The following CAMSAP3 variants were observed in gnomAD, a reference collection of about 807,000 sequenced individuals.
CAMSAP3 encodes the protein calmodulin regulated spectrin associated protein family member 3, also known as calmodulin-regulated spectrin-associated protein 3.
Under a neutral mutation model 112.5 loss-of-function variants are expected in CAMSAP3, and 34 were observed. The ratio of observed to expected loss-of-function variants is 0.30; its 90% CI spans 0.23 to 0.40. CAMSAP3 has a LOEUF of 0.40. Ranked by LOEUF, CAMSAP3 falls within the 10% of genes least tolerant of loss-of-function variation. CAMSAP3 has a pLI of 1.00. For synonymous variants in CAMSAP3, 868 were observed against 799.8 expected, an observed-to-expected ratio of 1.09 and a Z score of -1.44; for missense variants, 1,602 against 1,770.3, an observed-to-expected ratio of 0.90 and a Z score of 1.71.
intron 1 of CAMSAP3, among the ~76,000 whole-genome samples, chr19:7,601,752 T>TAAAATAAAATAAAATAAAATAAAATA (rs1292798127): frequency 7.4e-5 from 11 of 147,926 alleles, no homozygotes; most frequent in African/African-American, 2.8e-4. Context: ...TAAAATAAAA[T>TAAAATAAAATAAAATAAAATAAAATA]AAATGAATAA....
Position 7,610,432 on chromosome 19 carries a change from C to A in CAMSAP3, c.761-44C>A, listed in dbSNP as rs778075946. ...TCCCTGGCTTCCCTGGGGCCCCATC[C>A]TCCTCCTCATAGAGTTGGGGACCCA... On this transcript the variant is annotated intron_variant, in intron 5 of 16. Transcript: ENST00000160298. The surrounding 1 kb of genome is among the most constrained non-coding windows in gnomAD (Gnocchi z 4.9). The A allele has an allele frequency of 1.3e-5, 20 of 1,565,162 alleles. No individual in the cohort carries two copies. Among genetic ancestry groups the A allele is most frequent in the Non-Finnish European group, 1.6e-5 (19 of 1,154,942 alleles).
At chr19:7,616,953 T>TTTTTGTTTTTG (rs527401402) in intron 14 of CAMSAP3, among the ~76,000 whole-genome samples, 1 of 131,992 alleles carries the variant, frequency 7.6e-6, no homozygotes, top group Non-Finnish European at 1.6e-5. Context: ...TTTTTTTTTT[T>TTTTTGTTTTTG]TTTTTGTTTT....
At position 7,607,323 on chromosome 19, in the gene CAMSAP3, AAGG is replaced by A. The variant is rs1339929069; in HGVS notation, c.621+762_621+764del. Among the ~76,000 whole-genome samples the A allele has an allele frequency of 2.6e-5, 4 of 152,184 alleles. No individual in the cohort carries two copies. Among genetic ancestry groups the A allele is most frequent in the Admixed American group, 6.5e-5 (1 of 15,284 alleles). On this transcript the variant is annotated intron_variant, in intron 4 of 16. Coordinates refer to ENST00000160298, the MANE Select transcript of CAMSAP3 (RefSeq NM_020902.2). This position sits in a 1 kb window ranked among gnomAD's most constrained non-coding sequence, Gnocchi z 4.9. ...CCTAGAGAAAAATCCCAGCTTTGAA[AAGG>A]AGGAGGAGGCCCATCCCTGAAGCTG...
chr19:7,616,414 G>A (rs1568449255), intron 13 of CAMSAP3, 109 bp from the exon 14 acceptor site: 1 of 809,536 alleles, frequency 1.2e-6, no homozygotes, highest in Non-Finnish European at 2.1e-6. Context: ...GGGCCGAGGG[G>A]TCTTGGGCAG....
chr19:7,617,040 C>G lies in CAMSAP3; in HGVS notation c.3213-286C>G, dbSNP rs1194210643. Among the ~76,000 whole-genome samples, 1 of 151,352 alleles carries G rather than the reference C, an allele frequency of 6.6e-6. No homozygotes were observed. The highest frequency in any genetic ancestry group is 1.5e-5 in the Non-Finnish European group (1 of 67,898). ...CTTGGCTCACGGCAACCTCCGCCCC[C>G]TGGGTGCAAGTGATTCTCGTGCCTC... On this transcript the variant is annotated intron_variant, in intron 14 of 16. Transcript: ENST00000160298. The surrounding 1 kb of genome is among the most constrained non-coding windows in gnomAD (Gnocchi z 7.5).
At position 7,595,967 on chromosome 19, in the gene CAMSAP3, G is replaced by T. The variant is rs1310989420; in HGVS notation, c.-36G>T. On this transcript the variant is annotated 5_prime_UTR_variant, in exon 1 of 17. Transcript: ENST00000160298. ...GGCGCAGCCCAGCCCAGCCCAGTCC[G>T]AGCGCGGACCCGGCGCCCGCAGCCC... 1.3e-5 allele frequency: 13 copies of T among 1,027,424 alleles called. No homozygotes were observed. The highest frequency in any genetic ancestry group is 1.5e-5 in the Non-Finnish European group (13 of 850,406). 63.6% of individuals were successfully genotyped at this position (1,027,424 alleles called of 1,614,324 possible). A position where few individuals can be genotyped will look rare whatever the true frequency, so the allele number is the denominator to read the frequency against.
Position 7,610,648 on chromosome 19 carries a change from C to T in CAMSAP3, c.900+33C>T, listed in dbSNP as rs374660287. 28 of 1,613,598 alleles carry T rather than the reference C, an allele frequency of 1.7e-5. 1 individual carries two copies. The highest frequency in any genetic ancestry group is 1.5e-4 in the South Asian group (14 of 91,076). ...CATCCTGGGGCCTCCTGGGCCGAGG[C>T]GGGCATCTGGGGCCAGGGGTCCCGT... On this transcript the variant is annotated intron_variant, in intron 6 of 16. Coordinates refer to ENST00000160298, the MANE Select transcript of CAMSAP3 (RefSeq NM_020902.2). The surrounding 1 kb of genome is among the most constrained non-coding windows in gnomAD (Gnocchi z 4.9).
rs2024426653 is a variant in CAMSAP3, at chr19:7,595,934, G to T, written c.-69G>T. The stretch of plus-strand genomic sequence containing the variant: ...TAGCAGCAGCGGGCCCGGCTGGGGC[G>T]CGAGCGCGGCGCAGCCCAGCCCAGC... On this transcript the variant is annotated 5_prime_UTR_variant, in exon 1 of 17. Transcript: ENST00000160298. 1 of 803,824 alleles carries T rather than the reference G, an allele frequency of 1.2e-6. No individual in the cohort carries two copies. Among genetic ancestry groups the T allele is most frequent in the Non-Finnish European group, 1.5e-6 (1 of 663,678 alleles). The allele number at this position is 803,824 out of a possible 1,614,324, so 49.8% of individuals were successfully genotyped here.
At chr19:7,601,353 C>G (rs2029958316) in intron 1 of CAMSAP3, among the ~76,000 whole-genome samples, 1 of 151,958 alleles carries the variant, frequency 6.6e-6, no homozygotes, top group African/African-American at 2.4e-5. Flanking sequence ...GCATCTTGCT[C>G]TGTGGCCCAG....
chr19:7,614,121 G>A (rs1409739099), intron 11 of CAMSAP3, among the ~76,000 whole-genome samples: 5 of 151,426 alleles, frequency 3.3e-5, no homozygotes, highest in African/African-American at 7.3e-5. Flanking sequence ...ATTAGCTGGC[G>A]TGGTGGCGGG....
chr19:7,613,526 G>C (rs62113421), intron 11 of CAMSAP3, among the ~76,000 whole-genome samples: 2 of 149,980 alleles, frequency 1.3e-5, no homozygotes, highest in African/African-American at 4.9e-5. Context: ...TGAGGCCCTC[G>C]GGTATGTTTG....
intron 1 of CAMSAP3, among the ~76,000 whole-genome samples, chr19:7,599,525 C>T (rs1355302751): frequency 9.3e-6 from 1 of 107,284 alleles, no homozygotes; most frequent in Non-Finnish European, 1.9e-5. Context: ...CATCCACCCA[C>T]TCATCCATCC....
chr19:7,601,341 C>A (rs1165496177), intron 1 of CAMSAP3, among the ~76,000 whole-genome samples: 3 of 151,780 alleles, frequency 2.0e-5, no homozygotes, highest in East Asian at 1.9e-4. Flanking sequence ...CTTTTTGAGA[C>A]AGCATCTTGC....
chr19:7,606,753 T>C (rs780954184), intron 4 of CAMSAP3, 182 bp downstream of exon 4: 3 of 1,613,610 alleles, frequency 1.9e-6, no homozygotes, highest in Non-Finnish European at 8.5e-7. Flanking sequence ...CCCGCTGCCC[T>C]CCTCTCTGCC....
chr19:7,601,752 T>TA (rs1292798127), intron 1 of CAMSAP3, among the ~76,000 whole-genome samples: 36 of 148,026 alleles, frequency 2.4e-4, no homozygotes, highest in Non-Finnish European at 3.7e-4. Context: ...TAAAATAAAA[T>TA]AAATGAATAA....
At position 7,595,905 on chromosome 19, in the gene CAMSAP3, G is replaced by C. The variant is rs1410926463; in HGVS notation, c.-98G>C. The C allele has an allele frequency of 1.3e-5, 7 of 538,948 alleles. No homozygotes were observed. The East Asian group carries it at 9.9e-4, about 76-fold the overall frequency. The allele number at this position is 538,948 out of a possible 1,614,324, so 33.4% of individuals were successfully genotyped here. The stretch of plus-strand genomic sequence containing the variant: ...GGCGGCGGCGGCGGCGGCGGCAGCG[G>C]CGGTAGCAGCAGCGGGCCCGGCTGG... On this transcript the variant is annotated 5_prime_UTR_variant, in exon 1 of 17. Coordinates refer to ENST00000160298, the MANE Select transcript of CAMSAP3 (RefSeq NM_020902.2).
intron 1 of CAMSAP3, among the ~76,000 whole-genome samples, chr19:7,597,921 C>T (rs2024471951): frequency 6.6e-6 from 1 of 152,150 alleles, no homozygotes; most frequent in South Asian, 2.1e-4. Context: ...CAGTGGCTGC[C>T]TCTACCGTGA....
rs779134247 is a variant in CAMSAP3 at position 7,615,310 on chromosome 19, A to T, written c.2798A>T (p.Glu933Val). Reference protein sequence around the residue: ...WQEVEKEQRREEAARLAQEEA... With the variant: ...WQEVEKEQRRVEAARLAQEEA... ...GAGGTGGAGAAGGAACAGCGGAGGG[A>T]GGAGGCCGCGAGGTGAGGCCGGGCC... Residue 933 changes from glutamate to valine, a missense_variant, in exon 12 of 17, where the codon GAG (glutamate) becomes GTG (valine). Glu to Val is a moderately radical substitution (Grantham distance 121, BLOSUM62 -2). Around this residue, in one of 6 missense-constraint regions of CAMSAP3, gnomAD observed 1,100 missense variants for 1,135.7 expected, o/e 0.97. Coordinates refer to ENST00000160298, the MANE Select transcript of CAMSAP3 (RefSeq NM_020902.2). The surrounding 1 kb of genome is among the most constrained non-coding windows in gnomAD (Gnocchi z 6.5). 1.9e-6 allele frequency: 3 copies of T among 1,546,264 alleles called. No homozygotes were observed. The highest frequency in any genetic ancestry group is 1.8e-4 in the Middle Eastern group (1 of 5,482).
chr19:7,615,100 C>T lies in CAMSAP3; in HGVS notation c.2671-83C>T, dbSNP rs754655640. 1,003 of 1,497,918 alleles carry T rather than the reference C, an allele frequency of 6.7e-4. No individual in the cohort carries two copies. Among genetic ancestry groups the T allele is most frequent in the Non-Finnish European group, 8.4e-4 (926 of 1,101,618 alleles). 92.8% of individuals were successfully genotyped at this position (1,497,918 alleles called of 1,614,324 possible). ...TGAAAACAAAAGCACAGGTGGGTGG[C>T]GGGCAGGCTGGGTGGAGGGAAGATG... On this transcript the variant is annotated intron_variant, in intron 11 of 16. Coordinates refer to ENST00000160298, the MANE Select transcript of CAMSAP3 (RefSeq NM_020902.2). This position sits in a 1 kb window ranked among gnomAD's most constrained non-coding sequence, Gnocchi z 6.5.
Sources: gnomAD v4.1 joint callset for allele counts (sites outside exome capture counted in the v4.1 genomes callset) on GRCh38, gnomAD v4.1.1 for gene constraint, gnomAD v4.1.1 regional missense constraint, Gnocchi (gnomAD v3.1) non-coding constraint, MANE v1.5 for transcripts, NCBI Gene and HGNC (gene_info 2026-07-23, HGNC 2026-07-21) for gene names.